MTMR8: variants seen among roughly 807,000 people sequenced by gnomAD.
MTMR8 encodes the protein phosphatidylinositol-3,5-bisphosphate 3-phosphatase MTMR8.
In MTMR8, 65 loss-of-function variants were observed where a neutral mutation model predicts 39.3. The ratio of observed to expected loss-of-function variants is 1.65; its 90% CI spans 1.35 to 2.03. The LOEUF (loss-of-function observed/expected upper bound fraction) is 2.03, where lower values mean the gene tolerates loss of function less well. MTMR8 is among the 30% of genes most tolerant of loss of function. MTMR8 has a pLI of 0.00. For synonymous variants in MTMR8, 245 were observed against 185.2 expected (o/e 1.32, Z -2.62); for missense variants, 777 against 538.9 (o/e 1.44, Z -4.37).
At chrX:64,333,587 G>A (rs1922998077) in intron 10 of MTMR8, among the ~76,000 whole-genome samples, 1 of 111,501 alleles carries the variant, frequency 9.0e-6, no homozygotes, top group African/African-American at 3.3e-5. Flanking sequence ...TTTCTTCTCA[G>A]CATAAGAAAC....
chrX:64,359,670 T>A lies in MTMR8; in HGVS notation c.25-143A>T. The A allele has an allele frequency of 1.2e-5, 6 of 511,554 alleles. No homozygotes were observed. In the Admixed American group the frequency reaches 2.2e-4, roughly 19 times the overall value. The allele number at this position is 511,554 out of a possible 1,213,427, so 42.2% of individuals were successfully genotyped here. A position where few individuals can be genotyped will look rare whatever the true frequency, so the allele number is the denominator to read the frequency against. Reference sequence around the variant, plus strand: ...TTCCTGCCAAGGTGGCAAACTACTATGATCTGTATTACCTTTTCTGAAATC... The same window carrying A: ...TTCCTGCCAAGGTGGCAAACTACTAAGATCTGTATTACCTTTTCTGAAATC... On this transcript the variant is annotated intron_variant, in intron 1 of 13. Transcript: ENST00000374852.
At chrX:64,333,716 C>A (rs1253712783) in intron 10 of MTMR8, among the ~76,000 whole-genome samples, 2 of 111,865 alleles carry the variant, frequency 1.8e-5, no homozygotes, top group Non-Finnish European at 1.9e-5. Context: ...CATTCCACTT[C>A]TTCATCCCTC....
At chrX:64,271,557 C>T (rs943720813) in intron 12 of MTMR8, among the ~76,000 whole-genome samples, 18 of 112,076 alleles carry the variant, frequency 1.6e-4, no homozygotes, top group African/African-American at 5.2e-4. Context: ...GTAAACAAAA[C>T]ATCTGTAGAA....
intron 13 of MTMR8, among the ~76,000 whole-genome samples, 178 bp downstream of exon 13, chrX:64,270,769 T>C (rs1931742786): frequency 9.0e-6 from 1 of 111,514 alleles, no homozygotes; most frequent in Admixed American, 9.6e-5. Flanking sequence ...ATTTACCACA[T>C]TTTGGGAAGT....
chrX:64,388,429 G>A (rs924741007), intron 1 of MTMR8, among the ~76,000 whole-genome samples: 1 of 111,721 alleles, frequency 9.0e-6, no homozygotes, highest in Non-Finnish European at 1.9e-5. Context: ...AGGAAGGAAG[G>A]GGAATGGTGG....
intron 12 of MTMR8, among the ~76,000 whole-genome samples, chrX:64,294,842 C>A (rs1176642775): frequency 9.0e-6 from 1 of 111,498 alleles, no homozygotes; most frequent in Non-Finnish European, 1.9e-5. Context: ...CTCCTAATAC[C>A]ATCACATTGG....
chrX:64,296,051 C>A (rs998239202), intron 12 of MTMR8, among the ~76,000 whole-genome samples: 1 of 112,036 alleles, frequency 8.9e-6, no homozygotes, highest in Non-Finnish European at 1.9e-5. Flanking sequence ...AAGGTAGAAG[C>A]AACCCAGATG....
intron 6 of MTMR8, among the ~76,000 whole-genome samples, chrX:64,346,114 T>C (rs901465108): frequency 1.8e-5 from 2 of 111,206 alleles, no homozygotes; most frequent in African/African-American, 3.3e-5. Context: ...TGTGGAAATA[T>C]GAATATAATA....
At chrX:64,310,360 G>A (rs1163580859) in intron 12 of MTMR8, among the ~76,000 whole-genome samples, 1 of 110,463 alleles carries the variant, frequency 9.1e-6, no homozygotes, top group African/African-American at 3.3e-5. Flanking sequence ...TATTTCTCTT[G>A]GTATTTCACC....
At chrX:64,308,650 A>G (rs1387049191) in intron 12 of MTMR8, among the ~76,000 whole-genome samples, 2 of 111,209 alleles carry the variant, frequency 1.8e-5, no homozygotes, top group African/African-American at 3.3e-5. Flanking sequence ...AACTATTTCT[A>G]CATAACGATT....
intron 5 of MTMR8, among the ~76,000 whole-genome samples, chrX:64,349,356 G>T (rs770873089): frequency 9.0e-6 from 1 of 111,364 alleles, no homozygotes; most frequent in African/African-American, 3.3e-5. Context: ...GGCTTTTAAG[G>T]GGTCAACTCA....
intron 1 of MTMR8, among the ~76,000 whole-genome samples, chrX:64,366,931 G>A (rs908528379): frequency 3.6e-5 from 4 of 111,380 alleles, no homozygotes; most frequent in Non-Finnish European, 5.7e-5. Context: ...TATCACCATC[G>A]ATCCCACAGA....
intron 12 of MTMR8, among the ~76,000 whole-genome samples, chrX:64,314,664 A>G (rs771137179): frequency 3.5e-4 from 40 of 112,954 alleles, no homozygotes; most frequent in African/African-American, 1.2e-3. Context: ...AGCATGGTTC[A>G]GTGCATATAT....
At chrX:64,376,419 A>T (rs1924269445) in intron 1 of MTMR8, among the ~76,000 whole-genome samples, 1 of 111,960 alleles carries the variant, frequency 8.9e-6, no homozygotes, top group South Asian at 3.7e-4. Flanking sequence ...TGAGGAACCT[A>T]TTGGGAACTG....
At chrX:64,299,825 A>G (rs1921777021) in intron 12 of MTMR8, among the ~76,000 whole-genome samples, 1 of 96,762 alleles carries the variant, frequency 1.0e-5, no homozygotes, top group Non-Finnish European at 2.1e-5. Context: ...TTCTGCCTTC[A>G]TTTCGTTATG....
In MTMR8 at chrX:64,288,534, A is replaced by T. The variant is rs199735206; in HGVS notation, c.1482-17461T>A. ...CATTACTGGGTATATACCCAAAGGA[A>T]TATAAATCATGCTGCTATAAAGACA... On this transcript the variant is annotated intron_variant, in intron 12 of 13. Transcript: ENST00000374852. Among the ~76,000 whole-genome samples the T allele has an allele frequency of 2.7e-5, 3 of 111,865 alleles. No homozygotes were observed. In the East Asian group the frequency reaches 8.4e-4, roughly 31 times the overall value.
At chrX:64,340,764 G>A (rs1031259982) in intron 8 of MTMR8, among the ~76,000 whole-genome samples, 1 of 111,843 alleles carries the variant, frequency 8.9e-6, no homozygotes, top group Non-Finnish European at 1.9e-5. Context: ...AAAGTCACTG[G>A]TGGACAGAAA....
chrX:64,375,281 G>A (rs1357621465), intron 1 of MTMR8, among the ~76,000 whole-genome samples: 2 of 109,536 alleles, frequency 1.8e-5, no homozygotes, highest in African/African-American at 6.7e-5. Flanking sequence ...CCTGAGCTTG[G>A]GAGGCAGAGA....
rs1400651003 is a variant in MTMR8, at chrX:64,331,546, A to G, written c.1352+11T>C. On this transcript the variant is annotated intron_variant, in intron 11 of 13. Coordinates refer to ENST00000374852, the MANE Select transcript of MTMR8 (RefSeq NM_017677.4). ...CTCCCTGTTCAGTGTCTTCTCACAA[A>G]GTAAATTCACCTTAGATCTTCCCGA... 8.3e-7 allele frequency: 1 copy of G among 1,204,108 alleles called. No individual in the cohort carries two copies. The highest frequency in any genetic ancestry group is 1.1e-6 in the Non-Finnish European group (1 of 890,931).
Sources: gnomAD v4.1 joint callset for allele counts (sites outside exome capture counted in the v4.1 genomes callset) on GRCh38, gnomAD v4.1.1 for gene constraint, MANE v1.5 for transcripts, NCBI Gene and HGNC (gene_info 2026-07-23, HGNC 2026-07-21) for gene names.